Variants in ROBO2 observed in about 807,000 individuals in gnomAD.
The protein encoded by ROBO2 is roundabout guidance receptor 2.
A neutral mutation model predicts 160.8 loss-of-function variants in ROBO2; 53 were observed. That is an observed-to-expected ratio of 0.33 (90% CI 0.26 to 0.41). The LOEUF (loss-of-function observed/expected upper bound fraction) is 0.41, where lower values mean the gene tolerates loss of function less well. Ranked by LOEUF, ROBO2 falls within the 10% of genes least tolerant of loss-of-function variation. The probability of loss-of-function intolerance (pLI) is 1.00; values close to 1 mark genes in which losing one functional copy is unlikely to be tolerated. For missense variants in ROBO2, 1,577 were observed against 1,722.4 expected (o/e 0.92, Z 1.49); for synonymous variants, 664 against 611.7 (o/e 1.09, Z -1.26).
At chr3:76,242,752 G>T (rs577841924) in intron 2 of ROBO2, among the ~76,000 whole-genome samples, 1 of 152,046 alleles carries the variant, frequency 6.6e-6, no homozygotes, top group African/African-American at 2.4e-5. Flanking sequence ...AGACATGGTG[G>T]TGCATGCCTG....
chr3:76,460,575 C>A lies in ROBO2; in HGVS notation c.109+522973C>A, dbSNP rs370824403. Among the ~76,000 whole-genome samples the A allele has an allele frequency of 2.9e-4, 44 of 152,256 alleles. No homozygotes were observed. In the East Asian group the frequency reaches 7.2e-3, roughly 25 times the overall value. On this transcript the variant is annotated intron_variant, in intron 2 of 26. Coordinates refer to the ROBO2 transcript ENST00000487694. ...CATTCAAGCAACCAGGAGAAAATTA[C>A]CTTTGTGGATAGGAATTGAGGCTCT...
At chr3:77,267,727 C>T (rs1431009550) in intron 2 of ROBO2, among the ~76,000 whole-genome samples, 1 of 152,142 alleles carries the variant, frequency 6.6e-6, no homozygotes, top group African/African-American at 2.4e-5. Flanking sequence ...ATGTAAAGTG[C>T]ATGCAATTTG....
intron 2 of ROBO2, among the ~76,000 whole-genome samples, chr3:76,261,005 C>T (rs1021537): frequency 0.91 from 137,674 of 152,054 alleles, 62,628 homozygotes; most frequent in Middle Eastern, 0.98. Context: ...ATTTTTGCAA[C>T]GTACTGTAGT....
At chr3:76,256,132 C>G (rs765609978) in intron 2 of ROBO2, among the ~76,000 whole-genome samples, 1 of 151,772 alleles carries the variant, frequency 6.6e-6, no homozygotes, top group Non-Finnish European at 1.5e-5. Context: ...GACCTCCTCT[C>G]TGATAAAAAT....
At chr3:76,626,720 TCTCA>T (rs2089665890) in intron 2 of ROBO2, among the ~76,000 whole-genome samples, 1 of 151,802 alleles carries the variant, frequency 6.6e-6, no homozygotes, top group Non-Finnish European at 1.5e-5. Context: ...TGAGACGGAG[TCTCA>T]CTCTGTCGCC....
chr3:76,186,871 C>T (rs1191625921), intron 2 of ROBO2, among the ~76,000 whole-genome samples: 1 of 152,044 alleles, frequency 6.6e-6, no homozygotes, highest in Non-Finnish European at 1.5e-5. Context: ...CCAGTTTATT[C>T]TCACCATCTC....
At chr3:77,593,449 ATCT>A (rs1052018056) in intron 17 of ROBO2, among the ~76,000 whole-genome samples, 9 of 152,198 alleles carry the variant, frequency 5.9e-5, no homozygotes, top group African/African-American at 1.2e-4. Flanking sequence ...GAGCCTTTTC[ATCT>A]TCTCTGAGCA....
At chr3:76,497,642 AG>A (rs2080226458) in intron 2 of ROBO2, among the ~76,000 whole-genome samples, 2 of 152,216 alleles carry the variant, frequency 1.3e-5, no homozygotes, top group Non-Finnish European at 2.9e-5. Context: ...GTTGCCATGA[AG>A]GTGGTAGTTA....
At chr3:77,101,373 A>G (rs2071904988) in intron 2 of ROBO2, among the ~76,000 whole-genome samples, 1 of 152,186 alleles carries the variant, frequency 6.6e-6, no homozygotes, top group African/African-American at 2.4e-5. Context: ...CAGGTACAGG[A>G]GAAATAACTC....
intron 4 of ROBO2, among the ~76,000 whole-genome samples, chr3:77,486,294 G>C (rs369258109): frequency 3.3e-5 from 5 of 151,816 alleles, no homozygotes; most frequent in African/African-American, 9.7e-5. Flanking sequence ...TATCTACCCC[G>C]TAATAGTAAT....
At chr3:76,763,719 A>G (rs2061433456) in intron 2 of ROBO2, among the ~76,000 whole-genome samples, 1 of 151,682 alleles carries the variant, frequency 6.6e-6, no homozygotes, top group Non-Finnish European at 1.5e-5. Flanking sequence ...TTTAGTGTTC[A>G]TAGGGATCAC....
intron 2 of ROBO2, among the ~76,000 whole-genome samples, chr3:77,430,419 C>T (rs934649262): frequency 3.3e-5 from 5 of 151,796 alleles, no homozygotes; most frequent in African/African-American, 9.7e-5. Flanking sequence ...ACAACCAGCT[C>T]TCCAAAATAA....
chr3:75,923,766 C>T (rs1243284422), intron 1 of ROBO2, among the ~76,000 whole-genome samples: 1 of 152,162 alleles, frequency 6.6e-6, no homozygotes, highest in African/African-American at 2.4e-5. Flanking sequence ...AAGACTATTG[C>T]TAAGCACATA....
chr3:76,482,309 T>A (rs1397665443), intron 2 of ROBO2, among the ~76,000 whole-genome samples: 1 of 152,202 alleles, frequency 6.6e-6, no homozygotes, highest in African/African-American at 2.4e-5. Flanking sequence ...AATGGTCCTC[T>A]GAGGACTTAT....
At chr3:76,721,314 C>T (rs891743661) in intron 2 of ROBO2, among the ~76,000 whole-genome samples, 1 of 152,086 alleles carries the variant, frequency 6.6e-6, no homozygotes, top group African/African-American at 2.4e-5. Context: ...GAGAAATAAA[C>T]ACATTTTAAT....
At chr3:76,419,760 T>A (rs1243175607) in intron 2 of ROBO2, among the ~76,000 whole-genome samples, 2 of 152,254 alleles carry the variant, frequency 1.3e-5, no homozygotes, top group East Asian at 3.9e-4. Context: ...GTAATGGGAA[T>A]CATGTAGCTG....
At chr3:76,406,615 C>T in intron 2 of ROBO2, among the ~76,000 whole-genome samples, 1 of 151,688 alleles carries the variant, frequency 6.6e-6, no homozygotes, top group South Asian at 2.1e-4. Flanking sequence ...ACATGATTCA[C>T]TCATAGTCAC....
intron 1 of ROBO2, among the ~76,000 whole-genome samples, chr3:77,061,208 A>C (rs2066267013): frequency 6.6e-6 from 1 of 152,182 alleles, no homozygotes; most frequent in Non-Finnish European, 1.5e-5. Flanking sequence ...AGACGGAAGC[A>C]GATAAGTTGT....
chr3:76,752,973 C>G (rs528428752), intron 2 of ROBO2, among the ~76,000 whole-genome samples: 1 of 151,786 alleles, frequency 6.6e-6, no homozygotes, highest in African/African-American at 2.4e-5. Flanking sequence ...ATAATATGAC[C>G]CAATTAAACA....
Sources: gnomAD v4.1 joint callset for allele counts (sites outside exome capture counted in the v4.1 genomes callset) on GRCh38, gnomAD v4.1.1 for gene constraint, MANE v1.5 for transcripts, NCBI Gene and HGNC (gene_info 2026-07-23, HGNC 2026-07-21) for gene names.